The following VWA3B variants were observed in gnomAD, a reference collection of about 807,000 sequenced individuals.
The protein encoded by VWA3B is von Willebrand factor A domain-containing protein 3B.
A neutral mutation model predicts 158.3 loss-of-function variants in VWA3B; 138 were observed. That is an observed-to-expected ratio of 0.87 (90% CI 0.76 to 1.00). VWA3B has a LOEUF of 1.00. Ranked by LOEUF, VWA3B falls within the 50% of genes least tolerant of loss-of-function variation. The probability of loss-of-function intolerance (pLI) is 0.00; values close to 1 mark genes in which losing one functional copy is unlikely to be tolerated. For synonymous variants in VWA3B, 596 were observed against 587.3 expected (o/e 1.01, Z -0.21); for missense variants, 1,555 against 1,565.1 (o/e 0.99, Z 0.11).
intron 7 of VWA3B, among the ~76,000 whole-genome samples, chr2:98,138,504 T>A (rs1573876222): frequency 6.6e-6 from 1 of 152,338 alleles, no homozygotes; most frequent in African/African-American, 2.4e-5. Flanking sequence ...GAATTCCTGT[T>A]TTTCCCTGCT....
At chr2:98,167,280 AAAGAAGGTGAG>A (rs1679163633) in intron 8 of VWA3B, among the ~76,000 whole-genome samples, 1 of 152,126 alleles carries the variant, frequency 6.6e-6, no homozygotes, top group Non-Finnish European at 1.5e-5. Flanking sequence ...CCTGGGATGA[AAAGAAGGTGAG>A]AAGAAGGTGA....
rs576415822 is a variant in VWA3B, at chr2:98,133,806, C to T, written c.873-18C>T. The T allele has an allele frequency of 5.9e-5, 95 of 1,609,768 alleles. No homozygotes were observed. The East Asian group carries it at 2.1e-3, about 35-fold the overall frequency. ...ACCTGCGTACTGCCTTCCTAATGAGCATCTCTTCACGTTTCAGATTCCACG... is the reference window on the plus strand; with the variant it reads ...ACCTGCGTACTGCCTTCCTAATGAGTATCTCTTCACGTTTCAGATTCCACG... On this transcript the variant is annotated intron_variant, in intron 6 of 27. Transcript: ENST00000477737.
chr2:98,091,044 G>A (rs192043732), intron 1 of VWA3B, among the ~76,000 whole-genome samples: 19 of 152,296 alleles, frequency 1.2e-4, no homozygotes, highest in Admixed American at 9.8e-4. Flanking sequence ...ACTGCACCCA[G>A]CCTCATTATC....
chr2:98,288,624 T>G (rs1318926503), intron 22 of VWA3B, among the ~76,000 whole-genome samples: 1 of 152,242 alleles, frequency 6.6e-6, no homozygotes, highest in East Asian at 1.9e-4. Context: ...ACATGTTTCA[T>G]ATAGTTCGCT....
rs79544213 is a variant in VWA3B at position 98,296,302 on chromosome 2, G to A, written c.3158-1605G>A. On this transcript the variant is annotated intron_variant, in intron 23 of 27. Transcript: ENST00000477737. Reference sequence around the variant, plus strand: ...GGGCACACAGTGCGTGGCAGGAGACGAGTCCCCTGATTCTCAATCAGGAGC... The same window carrying A: ...GGGCACACAGTGCGTGGCAGGAGACAAGTCCCCTGATTCTCAATCAGGAGC... Among the ~76,000 whole-genome samples, 1,038 of 152,324 alleles carry A rather than the reference G, an allele frequency of 6.8e-3. 10 individuals are homozygous for A. The highest frequency in any genetic ancestry group is 0.024 in the African/African-American group (987 of 41,562).
At chr2:98,144,928 A>G (rs7598069) in intron 7 of VWA3B, among the ~76,000 whole-genome samples, 98,610 of 152,142 alleles carry the variant, frequency 0.65, 34,082 homozygotes, top group African/African-American at 0.89. Context: ...TGGCTGCTAC[A>G]ATGCCCTTGG....
intron 15 of VWA3B, among the ~76,000 whole-genome samples, chr2:98,229,572 A>C (rs999092196): frequency 1.3e-5 from 2 of 152,160 alleles, no homozygotes; most frequent in African/African-American, 4.8e-5. Context: ...CTGGCATGGG[A>C]GGTCCAAGGC....
chr2:98,133,141 A>T (rs1676004032), intron 6 of VWA3B, among the ~76,000 whole-genome samples: 1 of 152,158 alleles, frequency 6.6e-6, no homozygotes. Context: ...AGTGCTTTCA[A>T]ACTTTCATGT....
chr2:98,116,490 G>A (rs1674543052), intron 3 of VWA3B, among the ~76,000 whole-genome samples: 1 of 151,984 alleles, frequency 6.6e-6, no homozygotes, highest in South Asian at 2.1e-4. Context: ...TGTCTCAGAG[G>A]TTTTGTTCAT....
At chr2:98,091,267 GCTGTGGCAGAA>G (rs1249373093) in intron 1 of VWA3B, among the ~76,000 whole-genome samples, 4 of 152,290 alleles carry the variant, frequency 2.6e-5, no homozygotes, top group Non-Finnish European at 5.9e-5. Context: ...TTTCTCACTG[GCTGTGGCAGAA>G]CCTGTGAGCA....
At chr2:98,249,940 C>T (rs1686687833) in intron 19 of VWA3B, among the ~76,000 whole-genome samples, 1 of 152,124 alleles carries the variant, frequency 6.6e-6, no homozygotes, top group Non-Finnish European at 1.5e-5. Context: ...TAGCAATTTA[C>T]AAAGAAGCAA....
At chr2:98,237,957 C>T (rs1406740604) in intron 19 of VWA3B, among the ~76,000 whole-genome samples, 2 of 152,024 alleles carry the variant, frequency 1.3e-5, no homozygotes, top group Non-Finnish European at 2.9e-5. Flanking sequence ...TGAGAAGGGT[C>T]GTTTTACTCT....
At chr2:98,186,426 G>A (rs768754208) in intron 9 of VWA3B, among the ~76,000 whole-genome samples, 8 of 151,886 alleles carry the variant, frequency 5.3e-5, no homozygotes, top group Non-Finnish European at 1.0e-4. Flanking sequence ...CTGATCTCCC[G>A]ACTACTGCCG....
At chr2:98,282,989 C>G (rs1269023625) in intron 22 of VWA3B, among the ~76,000 whole-genome samples, 1 of 152,042 alleles carries the variant, frequency 6.6e-6, no homozygotes, top group South Asian at 2.1e-4. Flanking sequence ...TGAGTGATAA[C>G]TATAGAAAAA....
At chr2:98,090,599 C>G (rs1324897002) in intron 1 of VWA3B, among the ~76,000 whole-genome samples, 1 of 152,090 alleles carries the variant, frequency 6.6e-6, no homozygotes, top group Non-Finnish European at 1.5e-5. Context: ...GTGATGCTCT[C>G]CAAGTAATAT....
At chr2:98,200,415 G>A (rs1410606322) in intron 12 of VWA3B, among the ~76,000 whole-genome samples, 1 of 152,006 alleles carries the variant, frequency 6.6e-6, no homozygotes, top group Non-Finnish European at 1.5e-5. Context: ...GGTGGCAGGT[G>A]CCTATAGTCC....
Position 98,115,653 on chromosome 2 carries a change from T to C in VWA3B, c.198T>C (p.Asp66=), listed in dbSNP as rs763094289. Reference sequence around the variant, plus strand: ...TTGTTTTTCTTTATAAAAATGCAGATTATGTGGCGTCTCTGGGGAGACCTG... The same window carrying C: ...TTGTTTTTCTTTATAAAAATGCAGACTATGTGGCGTCTCTGGGGAGACCTG... The part of the protein sequence containing the change: ...LSQIGFPHCE[D]YVASLGRPVA... The change falls in exon 3 of 28, where the codon GAT becomes GAC. Residue 66 remains aspartate (D), a splice_region_variant and synonymous_variant. Coordinates refer to ENST00000477737, the MANE Select transcript of VWA3B (RefSeq NM_144992.5). 3.7e-6 allele frequency: 6 copies of C among 1,613,266 alleles called. No homozygotes were observed. The highest frequency in any genetic ancestry group is 1.7e-5 in the Admixed American group (1 of 60,018).
At chr2:98,099,044 C>G in intron 2 of VWA3B, among the ~76,000 whole-genome samples, 1 of 152,072 alleles carries the variant, frequency 6.6e-6, no homozygotes. Flanking sequence ...CATTGCACAT[C>G]CCTTAGCAAA....
Position 98,311,807 on chromosome 2 carries a change from C to A in VWA3B, c.3522-12C>A. The A allele has an allele frequency of 6.3e-7, 1 of 1,584,916 alleles. No individual in the cohort carries two copies. Among genetic ancestry groups the A allele is most frequent in the Non-Finnish European group, 8.6e-7 (1 of 1,165,942 alleles). Reference sequence around the variant, plus strand: ...TCAAGGCAGGGTAACCCTGATCTCTCTCTGTCTCTAGAGAGGATGTGGAGG... The same window carrying A: ...TCAAGGCAGGGTAACCCTGATCTCTATCTGTCTCTAGAGAGGATGTGGAGG... On this transcript the variant is annotated splice_polypyrimidine_tract_variant and intron_variant, in intron 26 of 27. Transcript: ENST00000477737.
Sources: allele counts gnomAD v4.1 joint callset (sites outside exome capture counted in the v4.1 genomes callset), GRCh38; gene constraint gnomAD v4.1.1; transcripts MANE v1.5; gene names NCBI Gene and HGNC (gene_info 2026-07-23, HGNC 2026-07-21).